INPP4B: variants seen among roughly 807,000 people sequenced by gnomAD.
The protein encoded by INPP4B is inositol polyphosphate 4-phosphatase type II.
Under a neutral mutation model 122.5 loss-of-function variants are expected in INPP4B, and 55 were observed. The ratio of observed to expected loss-of-function variants is 0.45; its 90% CI spans 0.36 to 0.56. The LOEUF (loss-of-function observed/expected upper bound fraction) is 0.56, where lower values mean the gene tolerates loss of function less well. INPP4B is among the 20% of genes least tolerant of loss of function. The pLI, the probability that INPP4B is intolerant of heterozygous loss-of-function variation, is 0.00. For missense variants in INPP4B, 1,000 were observed against 1,097.7 expected (o/e 0.91, Z 1.26); for synonymous variants, 403 against 388.7 (o/e 1.04, Z -0.43).
At chr4:142,806,683 G>T (rs1273248365) in intron 1 of INPP4B, among the ~76,000 whole-genome samples, 2 of 151,486 alleles carry the variant, frequency 1.3e-5, no homozygotes, top group Non-Finnish European at 1.5e-5. Flanking sequence ...GTCGGAGGTT[G>T]CAGTGAGCTG....
At chr4:142,232,200 T>C (rs1164335987) in intron 12 of INPP4B, among the ~76,000 whole-genome samples, 1 of 152,230 alleles carries the variant, frequency 6.6e-6, no homozygotes, top group East Asian at 1.9e-4. Flanking sequence ...TCATATATTT[T>C]ACATATATAT....
rs529024275 is a variant in INPP4B, at chr4:142,023,530, CA to C, written c.*5251del. 2.0e-5 allele frequency: 3 copies of C among 152,042 alleles called. No homozygotes were observed. In the East Asian group the frequency reaches 5.8e-4, roughly 29 times the overall value. 9.4% of individuals were successfully genotyped at this position (152,042 alleles called of 1,614,324 possible). ...TTTTGAAAGTTTCATAGTTGTTTAA[CA>C]AAATATTTTTAATGTTGATAGTGAC... is the stretch of plus-strand genomic sequence containing the variant. On this transcript the variant is annotated 3_prime_UTR_variant, in exon 26 of 26. Coordinates refer to ENST00000262992, the MANE Select transcript of INPP4B (RefSeq NM_001101669.3).
intron 17 of INPP4B, among the ~76,000 whole-genome samples, chr4:142,156,366 G>A (rs1281040901): frequency 2.0e-5 from 3 of 152,064 alleles, no homozygotes; most frequent in Admixed American, 1.3e-4. Context: ...TTAATAGTTT[G>A]GTTAAATGAC....
chr4:142,755,131 T>C (rs1770328516), intron 1 of INPP4B, among the ~76,000 whole-genome samples: 1 of 152,020 alleles, frequency 6.6e-6, no homozygotes, highest in African/African-American at 2.4e-5. Context: ...CTATTCTATC[T>C]ATCCTCATAA....
At chr4:142,351,930 T>G (rs1432396134) in intron 7 of INPP4B, among the ~76,000 whole-genome samples, 1 of 152,012 alleles carries the variant, frequency 6.6e-6, no homozygotes, top group African/African-American at 2.4e-5. Flanking sequence ...GTTTTAAAAG[T>G]GGAACTGAAA....
chr4:142,224,695 C>T (rs1489465572), intron 12 of INPP4B, among the ~76,000 whole-genome samples: 1 of 151,884 alleles, frequency 6.6e-6, no homozygotes, highest in African/African-American at 2.4e-5. Context: ...TAGATACATA[C>T]ATAGATATAT....
chr4:142,398,017 C>T (rs916500159), intron 7 of INPP4B, among the ~76,000 whole-genome samples: 5 of 151,688 alleles, frequency 3.3e-5, no homozygotes, highest in Non-Finnish European at 7.4e-5. Flanking sequence ...TCTTAGAATA[C>T]CAATTTTTTC....
intron 7 of INPP4B, among the ~76,000 whole-genome samples, chr4:142,372,166 T>C (rs370004294): frequency 6.6e-6 from 1 of 152,066 alleles, no homozygotes; most frequent in Non-Finnish European, 1.5e-5. Flanking sequence ...TTACGTTAAA[T>C]GAAATAAGCC....
chr4:142,487,928 T>G (rs965818469), intron 2 of INPP4B, among the ~76,000 whole-genome samples: 3 of 152,130 alleles, frequency 2.0e-5, no homozygotes, highest in African/African-American at 7.2e-5. Context: ...CTCATCTTTT[T>G]GCATTGATTA....
At chr4:142,561,008 T>G (rs1369513985) in intron 2 of INPP4B, among the ~76,000 whole-genome samples, 1 of 152,236 alleles carries the variant, frequency 6.6e-6, no homozygotes, top group Non-Finnish European at 1.5e-5. Flanking sequence ...TATTATCATT[T>G]GTTTTTTCCA....
chr4:142,743,793 A>G lies in INPP4B; in HGVS notation c.-253-17892T>C, dbSNP rs184122647. On this transcript the variant is annotated intron_variant, in intron 1 of 25. Transcript: ENST00000262992. The stretch of plus-strand genomic sequence containing the variant: ...AGTGAAACAGTTAGAGTGGCTTTTG[A>G]CACATGTAAGGTTTTCCAAAGGTCT... Among the ~76,000 whole-genome samples, 105 of 152,082 alleles carry G rather than the reference A, an allele frequency of 6.9e-4. No homozygotes were observed. The Middle Eastern group carries it at 0.017, about 25-fold the overall frequency.
At chr4:142,328,919 T>C (rs1026802143) in intron 7 of INPP4B, among the ~76,000 whole-genome samples, 3 of 152,160 alleles carry the variant, frequency 2.0e-5, no homozygotes, top group African/African-American at 7.2e-5. Flanking sequence ...GACAGCTTCT[T>C]TCCAGAGTCT....
intron 12 of INPP4B, among the ~76,000 whole-genome samples, chr4:142,228,799 G>A (rs1167570290): frequency 6.6e-6 from 1 of 151,524 alleles, no homozygotes; most frequent in Non-Finnish European, 1.5e-5. Context: ...AAATATACAA[G>A]TAGCTCTTGT....
intron 11 of INPP4B, among the ~76,000 whole-genome samples, chr4:142,249,972 A>G (rs1246196221): frequency 6.6e-6 from 1 of 152,216 alleles, no homozygotes. Context: ...TTAAACAAAT[A>G]AGCAAATAAT....
At chr4:142,144,053 A>G (rs1340968442) in intron 18 of INPP4B, among the ~76,000 whole-genome samples, 1 of 152,036 alleles carries the variant, frequency 6.6e-6, no homozygotes, top group Non-Finnish European at 1.5e-5. Flanking sequence ...CTAGCTGTGA[A>G]TTCTACTTCT....
At chr4:142,610,984 G>C (rs773417933) in intron 2 of INPP4B, among the ~76,000 whole-genome samples, 2 of 152,246 alleles carry the variant, frequency 1.3e-5, no homozygotes, top group Non-Finnish European at 2.9e-5. Context: ...AAACATACCT[G>C]AGACTGAGTA....
chr4:142,188,512 A>ACATAT (rs1188321189), intron 15 of INPP4B, among the ~76,000 whole-genome samples: 1 of 32,824 alleles, frequency 3.0e-5, no homozygotes, highest in African/African-American at 7.7e-5. Flanking sequence ...AAAAAAAAAG[A>ACATAT]AAAAAAATAT....
intron 5 of INPP4B, among the ~76,000 whole-genome samples, chr4:142,424,430 C>A (rs1391821094): frequency 2.0e-5 from 3 of 151,922 alleles, no homozygotes; most frequent in Non-Finnish European, 4.4e-5. Flanking sequence ...AAAGACCTTA[C>A]AAGATATAGA....
At chr4:142,234,279 G>A (rs1325993650) in intron 12 of INPP4B, among the ~76,000 whole-genome samples, 1 of 151,974 alleles carries the variant, frequency 6.6e-6, no homozygotes, top group Non-Finnish European at 1.5e-5. Context: ...AGCGTATTGT[G>A]TTTGTCTTCC....
Sources: allele counts gnomAD v4.1 joint callset (sites outside exome capture counted in the v4.1 genomes callset), GRCh38; gene constraint gnomAD v4.1.1; transcripts MANE v1.5; gene names NCBI Gene and HGNC (gene_info 2026-07-23, HGNC 2026-07-21).